LRP2: variants seen among roughly 807,000 people sequenced by gnomAD.
LRP2 encodes the protein low-density lipoprotein receptor-related protein 2.
LRP2 carries 172 observed loss-of-function variants against 531.0 expected under a neutral mutation model. That is an observed-to-expected ratio of 0.32 (90% confidence interval 0.29 to 0.37). LRP2 has a LOEUF of 0.37. Ranked by LOEUF, LRP2 falls within the 10% of genes least tolerant of loss-of-function variation. The probability of loss-of-function intolerance (pLI) is 1.00; values close to 1 mark genes in which losing one functional copy is unlikely to be tolerated. For synonymous variants in LRP2, 1,992 were observed against 2,027.6 expected (o/e 0.98, Z 0.47); for missense variants, 5,167 against 5,868.3 (o/e 0.88, Z 3.90).
chr2:169,226,454 C>A lies in LRP2; in HGVS notation c.5362G>T (p.Ala1788Ser), dbSNP rs199626867. ...TCAACCCAATAGATGTATTGCTCAG[C>A]ATCATCAAATTCAACATCTAAACCA... ...QNGLDVEFDD[A>S]EQYIYWVENP... Residue 1788 changes from alanine (A) to serine (S), a missense_variant, in exon 32 of 79, where the codon GCT (alanine) becomes TCT (serine). Physicochemically the swap from Ala to Ser is moderately conservative, Grantham distance 99. Transcript: ENST00000649046. 6.2e-7 allele frequency: 1 copy of A among 1,613,658 alleles called. No individual in the cohort carries two copies. Among genetic ancestry groups the A allele is most frequent in the Middle Eastern group, 1.7e-4 (1 of 6,060 alleles).
At chr2:169,271,699 A>G (rs1030189757) in intron 15 of LRP2, 29 of 983,814 alleles carry the variant, frequency 2.9e-5, no homozygotes, top group African/African-American at 3.5e-5. Context: ...TTTAAAAATC[A>G]TACAGAGCTG....
At chr2:169,223,349 T>G (rs1019908983) in intron 33 of LRP2, among the ~76,000 whole-genome samples, 1 of 152,164 alleles carries the variant, frequency 6.6e-6, no homozygotes, top group Admixed American at 6.5e-5. Flanking sequence ...GTTCCCTGCT[T>G]TTGGAAAACT....
At chr2:169,355,603 G>C (rs1178887191) in intron 1 of LRP2, among the ~76,000 whole-genome samples, 1 of 152,192 alleles carries the variant, frequency 6.6e-6, no homozygotes, top group Non-Finnish European at 1.5e-5. Flanking sequence ...TGAAACTTTT[G>C]CTGGGAATAG....
chr2:169,267,527 G>A (rs184825372), intron 16 of LRP2, among the ~76,000 whole-genome samples: 10 of 152,178 alleles, frequency 6.6e-5, no homozygotes, highest in Non-Finnish European at 1.0e-4. Context: ...ACGAAATGAA[G>A]GCAGAAATAA....
chr2:169,137,349 A>T, intron 76 of LRP2, 43 bp downstream of exon 76: 1 of 1,298,442 alleles, frequency 7.7e-7, no homozygotes, highest in Non-Finnish European at 1.1e-6. Context: ...ATTAAGATCC[A>T]GCGACAGCAG....
intron 48 of LRP2, 55 bp downstream of exon 48, chr2:169,191,777 C>G: frequency 6.6e-7 from 1 of 1,525,624 alleles, no homozygotes; most frequent in Non-Finnish European, 9.1e-7. Context: ...GTAAGTGAGC[C>G]CAGCCCCCAT....
intron 46 of LRP2, 144 bp downstream of exon 46, chr2:169,196,767 C>T (rs572824408): frequency 1.1e-5 from 12 of 1,087,016 alleles, no homozygotes; most frequent in Admixed American, 1.8e-5. Context: ...ATCCGCTGAG[C>T]GGTGTCAGCA....
At chr2:169,353,807 A>G (rs1179837356) in intron 1 of LRP2, among the ~76,000 whole-genome samples, 1 of 152,196 alleles carries the variant, frequency 6.6e-6, no homozygotes, top group African/African-American at 2.4e-5. Flanking sequence ...CCTGAACAAC[A>G]TGGAGAAACC....
intron 1 of LRP2, among the ~76,000 whole-genome samples, chr2:169,356,723 C>T (rs1374461875): frequency 6.6e-6 from 1 of 152,196 alleles, no homozygotes; most frequent in East Asian, 1.9e-4. Flanking sequence ...TGAAGAACCA[C>T]AGAAATGCTC....
chr2:169,301,455 C>T (rs1468483384), intron 4 of LRP2, among the ~76,000 whole-genome samples: 1 of 150,428 alleles, frequency 6.6e-6, no homozygotes, highest in Non-Finnish European at 1.5e-5. Flanking sequence ...TGCCATTTTA[C>T]AGATGACCAG....
chr2:169,294,471 C>T (rs982101419), intron 5 of LRP2, 129 bp downstream of exon 5: 12 of 791,850 alleles, frequency 1.5e-5, no homozygotes, highest in South Asian at 4.4e-5. Flanking sequence ...CTCCTACCAA[C>T]GGCTGACTTC....
At chr2:169,278,026 T>C in intron 12 of LRP2, 75 bp from the exon 13 acceptor site, 10 of 1,182,830 alleles carry the variant, frequency 8.5e-6, no homozygotes, top group Non-Finnish European at 1.1e-5. Flanking sequence ...TAACAGTGTG[T>C]TTGGATCAAT....
intron 1 of LRP2, among the ~76,000 whole-genome samples, chr2:169,332,668 C>G (rs1240268009): frequency 6.6e-6 from 1 of 152,144 alleles, no homozygotes. Flanking sequence ...AACTAAATAA[C>G]CTCCCATTCT....
In LRP2 at chr2:169,181,443, C is replaced by T. The variant is rs759390274; in HGVS notation, c.10169+5G>A. 3 of 1,613,252 alleles carry T rather than the reference C, an allele frequency of 1.9e-6. No homozygotes were observed. The highest frequency in any genetic ancestry group is 1.1e-5 in the South Asian group (1 of 91,064). ...CAATTGTTTTATGCTTTTCTATGTA[C>T]GTACTCTATGTAACCCAGGTGGGCA... On this transcript the variant is annotated splice_donor_5th_base_variant and intron_variant, in intron 52 of 78. Coordinates refer to ENST00000649046, the MANE Select transcript of LRP2 (RefSeq NM_004525.3).
chr2:169,183,621 C>T (rs898353467), intron 50 of LRP2, among the ~76,000 whole-genome samples: 3 of 152,150 alleles, frequency 2.0e-5, no homozygotes, highest in Admixed American at 6.6e-5. Flanking sequence ...TTACTGCTTT[C>T]CCATTAATTT....
At chr2:169,166,762 C>T (rs1019104684) in intron 61 of LRP2, among the ~76,000 whole-genome samples, 1 of 152,150 alleles carries the variant, frequency 6.6e-6, no homozygotes, top group Non-Finnish European at 1.5e-5. Context: ...AAGGGTAGTC[C>T]CCAGGTCCCC....
intron 15 of LRP2, chr2:169,271,772 CA>C (rs1461528748): frequency 1.3e-6 from 1 of 756,918 alleles, no homozygotes; most frequent in African/African-American, 1.9e-5. Context: ...AGATCTACAC[CA>C]AGAACCTTAC....
chr2:169,188,343 C>T, intron 48 of LRP2, 78 bp from the exon 49 acceptor site: 1 of 1,372,656 alleles, frequency 7.3e-7, no homozygotes, highest in Non-Finnish European at 1.0e-6. Context: ...GGTTTTGCTT[C>T]CTTCTTTATC....
intron 55 of LRP2, among the ~76,000 whole-genome samples, chr2:169,174,748 G>A (rs1055788256): frequency 4.0e-5 from 6 of 149,850 alleles, no homozygotes; most frequent in South Asian, 2.1e-4. Context: ...GGGCTCAAGC[G>A]ATCGACCTGC....
Sources: allele counts gnomAD v4.1 joint callset (sites outside exome capture counted in the v4.1 genomes callset), GRCh38; gene constraint gnomAD v4.1.1; transcripts MANE v1.5; gene names NCBI Gene and HGNC (gene_info 2026-07-23, HGNC 2026-07-21).